The following DHRSX variants were observed in gnomAD, a reference collection of about 807,000 sequenced individuals.
DHRSX encodes the protein dehydrogenase/reductase X-linked.
Under a neutral mutation model 34.0 loss-of-function variants are expected in DHRSX, and 31 were observed. The observed-to-expected ratio is 0.91, with a 90% CI of 0.69 to 1.23. DHRSX has a LOEUF of 1.23. DHRSX is among the 50% of genes most tolerant of loss of function. The probability of loss-of-function intolerance (pLI) is 0.00; values close to 1 mark genes in which losing one functional copy is unlikely to be tolerated. For missense variants in DHRSX, 414 were observed against 428.1 expected, an observed-to-expected ratio of 0.97 and a Z score of 0.29; for synonymous variants, 201 against 183.8, an observed-to-expected ratio of 1.09 and a Z score of -0.76.
At chrX:2,337,170 G>C (rs2042579620) in intron 3 of DHRSX, among the ~76,000 whole-genome samples, 1 of 152,094 alleles carries the variant, frequency 6.6e-6, no homozygotes, top group Admixed American at 6.6e-5. Flanking sequence ...ACATGCCCAA[G>C]TCCTAACCCC....
intron 4 of DHRSX, among the ~76,000 whole-genome samples, chrX:2,277,510 T>TA (rs1261630277): frequency 5.2e-4 from 9 of 17,442 alleles, no homozygotes; most frequent in Admixed American, 4.1e-3. Context: ...GAGGAGGAAA[T>TA]GGGGGAAAGA....
intron 6 of DHRSX, among the ~76,000 whole-genome samples, chrX:2,226,867 G>C (rs983343467): frequency 6.6e-6 from 1 of 152,036 alleles, no homozygotes; most frequent in African/African-American, 2.4e-5. Context: ...GCAGCACAGA[G>C]AATGTGACAG....
chrX:2,307,288 C>T (rs923611642), intron 3 of DHRSX, among the ~76,000 whole-genome samples: 2 of 152,088 alleles, frequency 1.3e-5, no homozygotes, highest in African/African-American at 2.4e-5. Context: ...AAATGGGAAG[C>T]TGGCACACCT....
chrX:2,472,319 C>T (rs768241805), intron 1 of DHRSX, among the ~76,000 whole-genome samples: 60 of 152,076 alleles, frequency 3.9e-4, no homozygotes, highest in East Asian at 1.5e-3. Flanking sequence ...GCTGCAGGGG[C>T]CTGCTGGAGG....
chrX:2,348,081 A>G (rs758203710), intron 3 of DHRSX, among the ~76,000 whole-genome samples: 2 of 152,300 alleles, frequency 1.3e-5, no homozygotes, highest in Admixed American at 6.5e-5. Flanking sequence ...AGCCAGGCCA[A>G]TTGGGTCCCT....
At chrX:2,283,572 T>C (rs1396011469) in intron 4 of DHRSX, among the ~76,000 whole-genome samples, 1 of 151,700 alleles carries the variant, frequency 6.6e-6, no homozygotes, top group Non-Finnish European at 1.5e-5. Flanking sequence ...GCTGCTCAGG[T>C]GTCCGTCCAC....
At chrX:2,422,366 G>A (rs2043791586) in intron 2 of DHRSX, among the ~76,000 whole-genome samples, 1 of 151,924 alleles carries the variant, frequency 6.6e-6, no homozygotes, top group South Asian at 2.1e-4. Flanking sequence ...TGGCTCAAGC[G>A]ATGCTCCCGC....
intron 4 of DHRSX, among the ~76,000 whole-genome samples, chrX:2,289,522 T>C (rs1166944214): frequency 2.0e-5 from 3 of 152,208 alleles, no homozygotes; most frequent in Non-Finnish European, 4.4e-5. Context: ...CTGTTTTGTG[T>C]GTCTCTGTGC....
chrX:2,282,425 A>C (rs2041717721), intron 4 of DHRSX, among the ~76,000 whole-genome samples: 1 of 147,702 alleles, frequency 6.8e-6, no homozygotes, highest in Admixed American at 6.8e-5. Flanking sequence ...GGAGAGAAGG[A>C]AGGCAAAGGA....
chrX:2,485,454 G>T (rs899553317), intron 1 of DHRSX, among the ~76,000 whole-genome samples: 37 of 145,654 alleles, frequency 2.5e-4, no homozygotes, highest in African/African-American at 8.9e-4. Context: ...TTTCTTGGGG[G>T]CCATTGTTTT....
At chrX:2,265,795 G>A (rs1462222064) in intron 5 of DHRSX, among the ~76,000 whole-genome samples, 2,233 of 31,344 alleles carry the variant, frequency 0.071, no homozygotes, top group Middle Eastern at 0.15. Flanking sequence ...CCAGAGCACC[G>A]GTGTCCAGCA....
chrX:2,500,970 A>C lies in DHRSX; in HGVS notation c.-45T>G. The C allele has an allele frequency of 2.1e-6, 2 of 970,474 alleles. No individual in the cohort carries two copies. The highest frequency in any genetic ancestry group is 2.5e-6 in the Non-Finnish European group (2 of 811,522). The allele number at this position is 970,474 out of a possible 1,614,324, so 60.1% of individuals were successfully genotyped here. On this transcript the variant is annotated 5_prime_UTR_variant, in exon 1 of 7. Transcript: ENST00000334651. ...CCGCCGCTTCCGCGCCGCCCGCGGG[A>C]CTCTGCGCCCGCCCGCCCGGACGGA...
At chrX:2,375,269 G>A (rs185446081) in intron 3 of DHRSX, among the ~76,000 whole-genome samples, 5 of 138,034 alleles carry the variant, frequency 3.6e-5, no homozygotes, top group African/African-American at 9.8e-5. Flanking sequence ...AATCTCCAGC[G>A]GGTAATTAGT....
In DHRSX at chrX:2,484,906, C is replaced by A. The variant is rs1225401498; in HGVS notation, c.109+15911G>T. On this transcript the variant is annotated intron_variant, in intron 1 of 6. Transcript: ENST00000334651. ...AACGTCACCACCGAGATTTCGGCAC[C>A]CCAGAAACAGCCCAACCGGCTCCTT... Among the ~76,000 whole-genome samples the A allele has an allele frequency of 2.0e-5, 3 of 152,062 alleles. No individual in the cohort carries two copies. In the South Asian group the frequency reaches 6.2e-4, roughly 32 times the overall value.
At position 2,471,584 on chromosome X, in the gene DHRSX, T is replaced by C. The variant is rs775667426; in HGVS notation, c.109+29233A>G. On this transcript the variant is annotated intron_variant, in intron 1 of 6. Transcript: ENST00000334651. ...CATCTCAAAAAAAAAAAAAGACATTTACGTTGAGATTTCTACACTGTGAAA... is the reference window on the plus strand; with the variant it reads ...CATCTCAAAAAAAAAAAAAGACATTCACGTTGAGATTTCTACACTGTGAAA... 3.0e-3 allele frequency among the ~76,000 whole-genome samples: 448 copies of C among 151,350 alleles called. 9 individuals are homozygous for C. Among genetic ancestry groups the C allele is most frequent in the African/African-American group, 9.5e-3 (391 of 41,220 alleles).
intron 6 of DHRSX, among the ~76,000 whole-genome samples, chrX:2,241,115 C>T (rs1462005853): frequency 6.6e-6 from 1 of 150,688 alleles, no homozygotes; most frequent in Admixed American, 6.6e-5. Flanking sequence ...ACCCGGGAGG[C>T]AGAGGCTGCA....
chrX:2,234,321 C>T (rs182831247), intron 6 of DHRSX, among the ~76,000 whole-genome samples: 5 of 147,802 alleles, frequency 3.4e-5, no homozygotes, highest in African/African-American at 1.3e-4. Flanking sequence ...CCTGCCTTCA[C>T]CCATGCACAC....
intron 1 of DHRSX, among the ~76,000 whole-genome samples, chrX:2,445,535 A>AC (rs1333044464): frequency 2.6e-5 from 4 of 152,062 alleles, no homozygotes; most frequent in African/African-American, 9.6e-5. Flanking sequence ...TGAAATCCTC[A>AC]CCCCCAAGGG....
intron 2 of DHRSX, among the ~76,000 whole-genome samples, chrX:2,410,992 G>A (rs770868456): frequency 6.4e-4 from 98 of 152,282 alleles, no homozygotes; most frequent in Admixed American, 1.2e-3. Flanking sequence ...TTGGCACTGA[G>A]GAGGCAGCAG....
Sources: gnomAD v4.1 joint callset for allele counts (sites outside exome capture counted in the v4.1 genomes callset) on GRCh38, gnomAD v4.1.1 for gene constraint, MANE v1.5 for transcripts, NCBI Gene and HGNC (gene_info 2026-07-23, HGNC 2026-07-21) for gene names.